TRHDE: variants seen among roughly 807,000 people sequenced by gnomAD.
TRHDE encodes thyrotropin-releasing hormone-degrading ectoenzyme.
In TRHDE, 72 loss-of-function variants were observed where a neutral mutation model predicts 125.7. The ratio of observed to expected loss-of-function variants is 0.57; its 90% confidence interval spans 0.47 to 0.70. The LOEUF (loss-of-function observed/expected upper bound fraction) is 0.70, where lower values mean the gene tolerates loss of function less well. Among genes scored for constraint, TRHDE ranks in the 30% least tolerant of loss-of-function variants. The probability of loss-of-function intolerance (pLI) is 0.00; values close to 1 mark genes in which losing one functional copy is unlikely to be tolerated. For synonymous variants in TRHDE, 509 were observed against 509.1 expected, an observed-to-expected ratio of 1.00 and a Z score of 0.00; for missense variants, 1,110 against 1,327.1, an observed-to-expected ratio of 0.84 and a Z score of 2.54.
upstream of TRHDE, among the ~76,000 whole-genome samples, chr12:72,267,635 G>T (rs1879097915): frequency 6.6e-6 from 1 of 151,666 alleles, no homozygotes; most frequent in Non-Finnish European, 1.5e-5. Flanking sequence ...GACAGAGTGA[G>T]ACCTAATCTC....
chr12:72,144,141 A>G (rs540099502), intron 2 of TRHDE, among the ~76,000 whole-genome samples: 1 of 152,316 alleles, frequency 6.6e-6, no homozygotes, highest in Admixed American at 6.5e-5. Flanking sequence ...TAGCTCAATC[A>G]GGAGAGAAAC....
chr12:72,576,084 C>T (rs911760396), intron 12 of TRHDE, among the ~76,000 whole-genome samples: 2 of 151,994 alleles, frequency 1.3e-5, no homozygotes, highest in Non-Finnish European at 2.9e-5. Context: ...TTATAATATT[C>T]AAATTAGTTA....
At chr12:72,421,774 T>C (rs1873965481) in intron 3 of TRHDE, among the ~76,000 whole-genome samples, 2 of 152,190 alleles carry the variant, frequency 1.3e-5, no homozygotes, top group Admixed American at 6.5e-5. Context: ...TAGGAAAACC[T>C]GCAAGTCACT....
At chr12:72,622,887 C>T (rs1281388136) in intron 15 of TRHDE, among the ~76,000 whole-genome samples, 1 of 151,880 alleles carries the variant, frequency 6.6e-6, no homozygotes, top group Non-Finnish European at 1.5e-5. Flanking sequence ...TGTTTCTGGT[C>T]TTATACAAGC....
At chr12:72,320,802 G>A (rs1869055431) in intron 2 of TRHDE, among the ~76,000 whole-genome samples, 1 of 152,118 alleles carries the variant, frequency 6.6e-6, no homozygotes, top group Non-Finnish European at 1.5e-5. Context: ...ACCTTTCTTG[G>A]TCTGTTACTA....
At chr12:72,334,380 T>G (rs1869738163) in intron 2 of TRHDE, among the ~76,000 whole-genome samples, 1 of 152,218 alleles carries the variant, frequency 6.6e-6, no homozygotes, top group Non-Finnish European at 1.5e-5. Context: ...TAGTTTGTTG[T>G]GAGTGCGCAT....
chr12:72,210,371 T>C (rs570071624), intron 2 of TRHDE, among the ~76,000 whole-genome samples: 1 of 152,294 alleles, frequency 6.6e-6, no homozygotes, highest in Non-Finnish European at 1.5e-5. Flanking sequence ...CTATGTTCAA[T>C]GTGTCTGCTA....
chr12:72,264,905 GT>G (rs35818955), intron 2 of TRHDE, among the ~76,000 whole-genome samples: 67 of 144,832 alleles, frequency 4.6e-4, no homozygotes, highest in East Asian at 2.6e-3. Flanking sequence ...TAGGTTCATT[GT>G]TTTTTTTTTT....
intron 12 of TRHDE, among the ~76,000 whole-genome samples, chr12:72,581,745 A>C (rs116253831): frequency 6.8e-4 from 103 of 152,210 alleles, no homozygotes; most frequent in African/African-American, 2.4e-3. Context: ...TTTTTTGTAA[A>C]TTATTAGTGT....
In TRHDE at chr12:72,165,738, G is replaced by T. The variant is rs146912858; in HGVS notation, n.279+59986G>T. On this transcript the variant is annotated intron_variant and non_coding_transcript_variant, in intron 2 of 4. Coordinates refer to the TRHDE transcript ENST00000548156. The stretch of plus-strand genomic sequence containing the variant: ...GCCCAGGCTGGAGGGTCAGGGGCAC[G>T]ATCTTGGCTCACTGCAAGCTGCGCC... Among the ~76,000 whole-genome samples, 104 of 151,546 alleles carry T rather than the reference G, an allele frequency of 6.9e-4. 1 individual carries two copies. In the East Asian group the frequency reaches 0.017, roughly 24 times the overall value.
intron 7 of TRHDE, among the ~76,000 whole-genome samples, chr12:72,550,562 G>T (rs1869627872): frequency 6.6e-6 from 1 of 151,680 alleles, no homozygotes; most frequent in African/African-American, 2.4e-5. Flanking sequence ...TTTTATAATT[G>T]CTTGACATGA....
At chr12:72,513,463 G>C (rs1208524741) in intron 6 of TRHDE, among the ~76,000 whole-genome samples, 1 of 151,964 alleles carries the variant, frequency 6.6e-6, no homozygotes, top group East Asian at 1.9e-4. Flanking sequence ...TTCTTTCGTG[G>C]GAGGCTAAGG....
intron 2 of TRHDE, among the ~76,000 whole-genome samples, chr12:72,216,461 T>C (rs951717149): frequency 6.6e-6 from 1 of 152,198 alleles, no homozygotes; most frequent in Non-Finnish European, 1.5e-5. Context: ...AAGTCAGGTC[T>C]CCTGTCTTCA....
chr12:72,355,706 C>T lies in TRHDE; in HGVS notation c.1189-22289C>T, dbSNP rs185552034. 5.9e-5 allele frequency among the ~76,000 whole-genome samples: 9 copies of T among 151,674 alleles called. No individual in the cohort carries two copies. In the East Asian group the frequency reaches 1.8e-3, roughly 30 times the overall value. On this transcript the variant is annotated intron_variant, in intron 2 of 18. Transcript: ENST00000261180. ...TCTACAAGGAACTTAAACAAATTTA[C>T]AAGAGAAAACAACCCCATTAAAAAG...
chr12:72,544,173 A>T (rs777492250), intron 7 of TRHDE, among the ~76,000 whole-genome samples: 1 of 151,478 alleles, frequency 6.6e-6, no homozygotes, highest in African/African-American at 2.4e-5. Context: ...TTAGTGTATC[A>T]TCAGCAGTTT....
intron 12 of TRHDE, among the ~76,000 whole-genome samples, chr12:72,598,468 C>T (rs1269961575): frequency 6.6e-6 from 1 of 152,062 alleles, no homozygotes; most frequent in Non-Finnish European, 1.5e-5. Flanking sequence ...AACCAATGTC[C>T]CAGCTCAAAG....
chr12:72,151,457 T>C (rs1876363078), intron 2 of TRHDE, among the ~76,000 whole-genome samples: 1 of 152,254 alleles, frequency 6.6e-6, no homozygotes, highest in African/African-American at 2.4e-5. Flanking sequence ...GTTTTAGATA[T>C]GAAGTCCTTG....
intron 3 of TRHDE, among the ~76,000 whole-genome samples, chr12:72,449,117 T>C (rs1374642413): frequency 6.6e-6 from 1 of 152,040 alleles, no homozygotes; most frequent in East Asian, 1.9e-4. Flanking sequence ...GTGTGTTTGT[T>C]TATGGCAGAG....
At chr12:72,105,294 G>T (rs1875160351) in intron 1 of TRHDE, among the ~76,000 whole-genome samples, 1 of 152,164 alleles carries the variant, frequency 6.6e-6, no homozygotes, top group Non-Finnish European at 1.5e-5. Context: ...ACTGGAACAG[G>T]AATTTGATTA....
Sources: allele counts gnomAD v4.1 joint callset (sites outside exome capture counted in the v4.1 genomes callset), GRCh38; gene constraint gnomAD v4.1.1; transcripts MANE v1.5; gene names NCBI Gene and HGNC (gene_info 2026-07-23, HGNC 2026-07-21).